The following ABCA6 variants were observed in gnomAD, a reference collection of about 807,000 sequenced individuals.
ABCA6 encodes ATP binding cassette subfamily A member 6.
In ABCA6, 164 loss-of-function variants were observed where a neutral mutation model predicts 191.2. The observed-to-expected ratio is 0.86, with a 90% CI of 0.76 to 0.98. The LOEUF is 0.98. ABCA6 is among the 50% of genes least tolerant of loss of function. The pLI is 0.00. For synonymous variants in ABCA6, 636 were observed against 647.7 expected (o/e 0.98, Z 0.27); for missense variants, 1,958 against 1,894.1 (o/e 1.03, Z -0.63).
chr17:69,080,942 A>G, intron 37 of ABCA6, 124 bp downstream of exon 37: 1 of 549,934 alleles, frequency 1.8e-6, no homozygotes, highest in Non-Finnish European at 3.1e-6. Flanking sequence ...TACAGTTAGA[A>G]TTCTTAAAAA....
chr17:69,082,254 T>C (rs2072653958), intron 36 of ABCA6, among the ~76,000 whole-genome samples: 1 of 152,028 alleles, frequency 6.6e-6, no homozygotes, highest in Non-Finnish European at 1.5e-5. Context: ...TGTACTTATC[T>C]CTCCACGGGA....
intron 11 of ABCA6, among the ~76,000 whole-genome samples, chr17:69,116,100 A>C (rs933682322): frequency 6.6e-6 from 1 of 152,022 alleles, no homozygotes; most frequent in Non-Finnish European, 1.5e-5. Flanking sequence ...TAAGCAATAC[A>C]CCCACTTCGG....
At position 69,085,170 on chromosome 17, in the gene ABCA6, C is replaced by T. The variant is rs531863229; in HGVS notation, c.4042G>A (p.Gly1348Ser). The T allele has an allele frequency of 1.9e-6, 3 of 1,608,290 alleles. No homozygotes were observed. In the South Asian group the frequency reaches 3.3e-5, roughly 18 times the overall value. Residue 1348 changes from glycine to serine, a missense_variant, in exon 32 of 39, where the codon GGC becomes AGC. By Grantham distance (56) the Gly-to-Ser change is moderately conservative. Transcript: ENST00000284425. ...KPTAGEVELKGCSSVLGHLGY... is the reference protein window; with the variant it reads ...KPTAGEVELKSCSSVLGHLGY... ...AGGTGGCCCAAAACTGAACTGCAGC[C>T]TTTCAGTTCCACCTAAAAAAATAAA...
At chr17:69,093,017 G>A (rs1421276066) in intron 25 of ABCA6, among the ~76,000 whole-genome samples, 1 of 152,172 alleles carries the variant, frequency 6.6e-6, no homozygotes, top group Non-Finnish European at 1.5e-5. Context: ...AAATCAAGAT[G>A]TGTTCATCAG....
intron 23 of ABCA6, 81 bp from the exon 24 acceptor site, chr17:69,096,882 G>A: frequency 1.7e-6 from 2 of 1,182,894 alleles, no homozygotes; most frequent in Non-Finnish European, 2.3e-6. Flanking sequence ...AAACACATTG[G>A]AAGAATTTTT....
At chr17:69,093,791 T>C (rs2092676002) in intron 25 of ABCA6, among the ~76,000 whole-genome samples, 2 of 152,224 alleles carry the variant, frequency 1.3e-5, no homozygotes, top group South Asian at 4.1e-4. Flanking sequence ...TAGAAATATG[T>C]AGATTCCTTT....
At position 69,091,107 on chromosome 17, in the gene ABCA6, T is replaced by C. The variant is rs1415119277; in HGVS notation, c.3528+36A>G. ...GAAAAGCACTTTAATAAGCTACATA[T>C]TCAAAATTAATGACACAGTTGGTAA... On this transcript the variant is annotated intron_variant, in intron 26 of 38. Transcript: ENST00000284425. 5 of 1,591,274 alleles carry C rather than the reference T, an allele frequency of 3.1e-6. No individual in the cohort carries two copies. In the South Asian group the frequency reaches 5.7e-5, roughly 18 times the overall value.
intron 27 of ABCA6, among the ~76,000 whole-genome samples, 199 bp downstream of exon 27, chr17:69,089,266 A>G (rs1345242180): frequency 6.6e-6 from 1 of 152,242 alleles, no homozygotes; most frequent in Non-Finnish European, 1.5e-5. Flanking sequence ...TTAATTTAAT[A>G]TTAACTTTTG....
chr17:69,084,985 T>A (rs1443119996), intron 32 of ABCA6, 43 bp downstream of exon 32: 10 of 1,561,834 alleles, frequency 6.4e-6, no homozygotes, highest in Middle Eastern at 3.6e-4. Context: ...TGCTACAGTC[T>A]CCCTGCATTC....
Position 69,102,868 on chromosome 17 carries a change from G to A in ABCA6, c.2841C>T (p.Tyr947=), listed in dbSNP as rs1217736041. 1.3e-6 allele frequency: 2 copies of A among 1,597,884 alleles called. No individual in the cohort carries two copies. Among genetic ancestry groups the A allele is most frequent in the South Asian group, 1.2e-5 (1 of 86,804 alleles). ...TACCAGAAACTATGATAGCTCCATT[G>A]TATGAGAGGCCATCAGTACCATTTC... The part of the protein sequence containing the change: ...ENRNGTDGLS[Y]NGAIIVSGKQ... Residue 947 remains tyrosine, a synonymous_variant, in exon 21 of 39, where the codon TAC becomes TAT. Transcript: ENST00000284425.
intron 21 of ABCA6, 28 bp from the exon 22 acceptor site, chr17:69,100,962 T>C: frequency 6.5e-7 from 1 of 1,539,762 alleles, no homozygotes. Flanking sequence ...TAAATAATGT[T>C]AATGCTAAAT....
chr17:69,115,521 C>T, intron 11 of ABCA6, 35 bp from the exon 12 acceptor site: 3 of 1,532,966 alleles, frequency 2.0e-6, no homozygotes, highest in Non-Finnish European at 2.7e-6. Context: ...AAATTATTAA[C>T]AGTATAAACA....
intron 26 of ABCA6, 123 bp downstream of exon 26, chr17:69,091,020 A>G (rs551820689): frequency 3.1e-6 from 3 of 973,604 alleles, no homozygotes; most frequent in South Asian, 1.9e-5. Flanking sequence ...TCCCCCCAAA[A>G]TCTCTTATGC....
chr17:69,127,356 A>G (rs563465527), intron 8 of ABCA6, among the ~76,000 whole-genome samples: 2 of 152,148 alleles, frequency 1.3e-5, no homozygotes, highest in African/African-American at 4.8e-5. Flanking sequence ...AGAGGAAAAA[A>G]GCCAGCAACA....
In ABCA6 at chr17:69,089,525, G is replaced by A. The variant is rs2072879069; in HGVS notation, c.3546C>T (p.Tyr1182=). ...CAAAATTTGCCTCTGGAAATTCTCTGTAGTGCTCCTGGTCTCTCTGAAAAG... is the reference window on the plus strand; with the variant it reads ...CAAAATTTGCCTCTGGAAATTCTCTATAGTGCTCCTGGTCTCTCTGAAAAG... ...TFLEVRDQEH[Y]REFPEANFEL... Residue 1182 remains tyrosine (Y), a synonymous_variant, in exon 27 of 39, where the codon TAC becomes TAT. Coordinates refer to ENST00000284425, the MANE Select transcript of ABCA6 (RefSeq NM_080284.3). 6.2e-7 allele frequency: 1 copy of A among 1,613,296 alleles called. No individual in the cohort carries two copies. The highest frequency in any genetic ancestry group is 8.5e-7 in the Non-Finnish European group (1 of 1,179,836).
intron 2 of ABCA6, among the ~76,000 whole-genome samples, chr17:69,138,495 A>G (rs1045128440): frequency 6.6e-6 from 1 of 152,106 alleles, no homozygotes; most frequent in Non-Finnish European, 1.5e-5. Context: ...AGGAAGAATC[A>G]ATATCGTGAA....
chr17:69,123,299 T>A lies in ABCA6; in HGVS notation c.1376A>T (p.His459Leu), dbSNP rs745432184. ...KVIEKEIDAE[H>L]PSDDYFEPVA... is the part of the protein sequence containing the mutation. ...TGGTTCAAAATAATCATCAGAGGGA[T>A]GCTCAGCATCGATTTCTTTCTCAAT... The change falls in exon 10 of 39, where the codon CAT (histidine) becomes CTT (leucine). Residue 459 changes from histidine (H) to leucine (L), a missense_variant. Physicochemically the swap from His to Leu is moderately conservative, Grantham distance 99. Coordinates refer to ENST00000284425, the MANE Select transcript of ABCA6 (RefSeq NM_080284.3). The A allele has an allele frequency of 1.3e-6, 2 of 1,566,928 alleles. No homozygotes were observed. The highest frequency in any genetic ancestry group is 2.4e-5 in the South Asian group (2 of 82,818).
At position 69,136,218 on chromosome 17, in the gene ABCA6, G is replaced by T. The variant is rs770697956; in HGVS notation, c.334C>A (p.His112Asn). 6.3e-7 allele frequency: 1 copy of T among 1,586,900 alleles called. No homozygotes were observed. ...TTTTCCAGAAGTATTTCGTCCATGT[G>T]TGTTTTATTTGGTGCCCCAATGACA... ...TSVIGAPNKT[H>N]MDEILLENLP... Residue 112 changes from histidine (H) to asparagine (N), a missense_variant, in exon 4 of 39, where the codon CAC becomes AAC. Physicochemically the swap from His to Asn is moderately conservative, Grantham distance 68. Transcript: ENST00000284425.
At chr17:69,127,008 T>C (rs1361111857) in intron 8 of ABCA6, among the ~76,000 whole-genome samples, 1 of 152,174 alleles carries the variant, frequency 6.6e-6, no homozygotes, top group Non-Finnish European at 1.5e-5. Flanking sequence ...AATACATGAT[T>C]GGCTGAGTTA....
Sources: allele counts gnomAD v4.1 joint callset (sites outside exome capture counted in the v4.1 genomes callset), GRCh38; gene constraint gnomAD v4.1.1; transcripts MANE v1.5; gene names NCBI Gene and HGNC (gene_info 2026-07-23, HGNC 2026-07-21).